PCDHGA12: variants seen among roughly 807,000 people sequenced by gnomAD.
PCDHGA12 encodes the protein protocadherin gamma subfamily A, 12.
In PCDHGA12, 43 loss-of-function variants were observed where a neutral mutation model predicts 61.1. The observed-to-expected ratio is 0.70, with a 90% CI of 0.55 to 0.91. The LOEUF is 0.91. Ranked by LOEUF, PCDHGA12 falls within the 40% of genes least tolerant of loss-of-function variation. PCDHGA12 has a pLI of 0.00. For synonymous variants in PCDHGA12, 520 were observed against 542.9 expected, an observed-to-expected ratio of 0.96 and a Z score of 0.59; for missense variants, 1,236 against 1,227.7, an observed-to-expected ratio of 1.01 and a Z score of -0.10.
chr5:141,476,224 G>T lies in PCDHGA12; in HGVS notation c.2425-18583G>T. 6.2e-7 allele frequency: 1 copy of T among 1,614,062 alleles called. No individual in the cohort carries two copies. The highest frequency in any genetic ancestry group is 1.1e-5 in the South Asian group (1 of 91,072). ...AGGCTTCCACGGTCATTCACTATGA[G>T]ATCCCGGAGGAAAGAGAGAAGGGTT... On this transcript the variant is annotated intron_variant, in intron 1 of 3. Transcript: ENST00000252085. This position sits in a 1 kb window ranked among gnomAD's most constrained non-coding sequence, Gnocchi z 7.6.
intron 1 of PCDHGA12, among the ~76,000 whole-genome samples, chr5:141,448,434 G>A (rs2098588755): frequency 1.3e-5 from 2 of 152,052 alleles, no homozygotes; most frequent in Non-Finnish European, 2.9e-5. Context: ...TATATATTGA[G>A]AAGTCTGACT....
Position 141,461,919 on chromosome 5 carries a change from G to T in PCDHGA12, c.2424+28736G>T, listed in dbSNP as rs10060711. On this transcript the variant is annotated intron_variant, in intron 1 of 3. Transcript: ENST00000252085. Reference sequence around the variant, plus strand: ...GCTCACTGCAACCTCTGCCTCCTGGGTTCCAGCAATTCTCCTGCCTCAACC... The same window carrying T: ...GCTCACTGCAACCTCTGCCTCCTGGTTTCCAGCAATTCTCCTGCCTCAACC... 5.4e-3 allele frequency among the ~76,000 whole-genome samples: 815 copies of T among 152,214 alleles called. 11 individuals are homozygous for T. Among genetic ancestry groups the T allele is most frequent in the African/African-American group, 0.019 (780 of 41,542 alleles).
At chr5:141,495,437 C>T (rs2099761356) in intron 2 of PCDHGA12, among the ~76,000 whole-genome samples, 1 of 152,178 alleles carries the variant, frequency 6.6e-6, no homozygotes, top group East Asian at 1.9e-4. Flanking sequence ...GTCCTCTGCC[C>T]CTACTTGTCC....
intron 1 of PCDHGA12, among the ~76,000 whole-genome samples, chr5:141,437,514 C>G (rs2097891371): frequency 6.6e-6 from 1 of 152,114 alleles, no homozygotes; most frequent in South Asian, 2.1e-4. Flanking sequence ...AATTATAAGG[C>G]TGATGACAAA....
In PCDHGA12 at chr5:141,476,622, T is replaced by C. The variant is rs1480639256; in HGVS notation, c.2425-18185T>C. The C allele has an allele frequency of 6.2e-7, 1 of 1,614,238 alleles. No individual in the cohort carries two copies. The highest frequency in any genetic ancestry group is 2.2e-5 in the East Asian group (1 of 44,878). On this transcript the variant is annotated intron_variant, in intron 1 of 3. Transcript: ENST00000252085. This position sits in a 1 kb window ranked among gnomAD's most constrained non-coding sequence, Gnocchi z 7.6. ...GATCCCGATGTGGGAAGCAACTCTT[T>C]ACAAACCTATGAGCTGAGCCGAAAT...
rs772000812 is a variant in PCDHGA12, at chr5:141,478,304, C to T, written c.2425-16503C>T. The T allele has an allele frequency of 8.1e-6, 13 of 1,614,108 alleles. No individual in the cohort carries two copies. In the Middle Eastern group the frequency reaches 1.2e-3, roughly 143 times the overall value. On this transcript the variant is annotated intron_variant, in intron 1 of 3. Coordinates refer to ENST00000252085, the MANE Select transcript of PCDHGA12 (RefSeq NM_003735.3). The stretch of plus-strand genomic sequence containing the variant: ...GCAGTCTAGAGACCTATACCGAGCC[C>T]CGGTGAGCTCACTGTACCGAACACC...
intron 1 of PCDHGA12, among the ~76,000 whole-genome samples, chr5:141,474,644 C>G (rs1016496399): frequency 4.6e-5 from 7 of 152,180 alleles, no homozygotes; most frequent in Non-Finnish European, 1.0e-4. Flanking sequence ...CCTATATATC[C>G]TTACTTCTTT....
At chr5:141,502,547 C>G (rs1340258642) in intron 2 of PCDHGA12, among the ~76,000 whole-genome samples, 2 of 152,156 alleles carry the variant, frequency 1.3e-5, no homozygotes, top group East Asian at 3.8e-4. Context: ...GTGGTAAAAA[C>G]AGTGTCCCAG....
rs777537045 is a variant in PCDHGA12 at position 141,490,191 on chromosome 5, A to T, written c.2425-4616A>T. The T allele has an allele frequency of 6.2e-7, 1 of 1,614,176 alleles. No homozygotes were observed. The highest frequency in any genetic ancestry group is 1.1e-5 in the South Asian group (1 of 91,082). On this transcript the variant is annotated intron_variant, in intron 1 of 3. Coordinates refer to ENST00000252085, the MANE Select transcript of PCDHGA12 (RefSeq NM_003735.3). The surrounding 1 kb of genome is among the most constrained non-coding windows in gnomAD (Gnocchi z 5.4). ...ACTTTGAGGAGTCACGTTTCTATGA[A>T]ATTCATGCAAGAGCCCGTGACCAGG...
In PCDHGA12 at chr5:141,489,928, G is replaced by A. The variant is rs752861962; in HGVS notation, c.2425-4879G>A. ...CCGCTCAGGGACCACCCTTATCTCT[G>A]TCATCGTGCTGGACATCAATGATAA... On this transcript the variant is annotated intron_variant, in intron 1 of 3. Transcript: ENST00000252085. The surrounding 1 kb of genome is among the most constrained non-coding windows in gnomAD (Gnocchi z 4.5). 2 of 1,614,206 alleles carry A rather than the reference G, an allele frequency of 1.2e-6. No homozygotes were observed. Among genetic ancestry groups the A allele is most frequent in the Non-Finnish European group, 1.7e-6 (2 of 1,180,038 alleles).
In PCDHGA12 at chr5:141,476,501, A is replaced by G; in HGVS notation, c.2425-18306A>G. 1.2e-6 allele frequency: 2 copies of G among 1,614,026 alleles called. No homozygotes were observed. Among genetic ancestry groups the G allele is most frequent in the Non-Finnish European group, 1.7e-6 (2 of 1,180,006 alleles). On this transcript the variant is annotated intron_variant, in intron 1 of 3. Coordinates refer to ENST00000252085, the MANE Select transcript of PCDHGA12 (RefSeq NM_003735.3). The surrounding 1 kb of genome is among the most constrained non-coding windows in gnomAD (Gnocchi z 7.6). ...CGTGGAAGTGGTGATCCAGGACATCAACGACAACAATCCTGCTTTCCCTAC... is the reference window on the plus strand; with the variant it reads ...CGTGGAAGTGGTGATCCAGGACATCGACGACAACAATCCTGCTTTCCCTAC...
Position 141,490,447 on chromosome 5 carries a change from C to A in PCDHGA12, c.2425-4360C>A, listed in dbSNP as rs1273424450. 1.2e-6 allele frequency: 2 copies of A among 1,614,196 alleles called. No homozygotes were observed. The highest frequency in any genetic ancestry group is 1.7e-5 in the Admixed American group (1 of 60,030). Reference sequence around the variant, plus strand: ...ATTTCAGATTAAGCCTTCTGAGAACCACTACTCGCTGCTAACCAGCCAGCC... The same window carrying A: ...ATTTCAGATTAAGCCTTCTGAGAACAACTACTCGCTGCTAACCAGCCAGCC... On this transcript the variant is annotated intron_variant, in intron 1 of 3. Coordinates refer to ENST00000252085, the MANE Select transcript of PCDHGA12 (RefSeq NM_003735.3). This position sits in a 1 kb window ranked among gnomAD's most constrained non-coding sequence, Gnocchi z 5.4.
chr5:141,459,302 A>G (rs1401348885), intron 1 of PCDHGA12, among the ~76,000 whole-genome samples: 1 of 152,328 alleles, frequency 6.6e-6, no homozygotes, highest in Admixed American at 6.5e-5. Context: ...CCTATAACAT[A>G]TACTATTTTG....
Position 141,432,076 on chromosome 5 carries a change from G to T in PCDHGA12, c.1317G>T (p.Ser439=). ...CCCTATCCACGGAAACTCATATCTC[G>T]CTGAACGTGGCAGACACCAACGACA... The part of the protein sequence containing the change: ...TPPLSTETHI[S]LNVADTNDNP... Residue 439 remains serine, a synonymous_variant, in exon 1 of 4, where the codon TCG becomes TCT. Transcript: ENST00000252085. This position sits in a 1 kb window ranked among gnomAD's most constrained non-coding sequence, Gnocchi z 6.0. 1.2e-6 allele frequency: 2 copies of T among 1,614,160 alleles called. No homozygotes were observed. Among genetic ancestry groups the T allele is most frequent in the Non-Finnish European group, 1.7e-6 (2 of 1,180,024 alleles).
At chr5:141,492,461 G>A (rs1218833302) in intron 1 of PCDHGA12, among the ~76,000 whole-genome samples, 1 of 152,212 alleles carries the variant, frequency 6.6e-6, no homozygotes, top group East Asian at 1.9e-4. Flanking sequence ...CGCGCCTGAG[G>A]GTCCCAGATC....
At chr5:141,455,330 G>T (rs2098819667) in intron 1 of PCDHGA12, among the ~76,000 whole-genome samples, 1 of 152,042 alleles carries the variant, frequency 6.6e-6, no homozygotes, top group South Asian at 2.1e-4. Context: ...GTGTGTTTGT[G>T]GTTTTAAGGA....
intron 1 of PCDHGA12, among the ~76,000 whole-genome samples, chr5:141,453,574 G>T (rs1285296493): frequency 6.6e-6 from 1 of 152,084 alleles, no homozygotes; most frequent in Non-Finnish European, 1.5e-5. Context: ...TCATTAGTTT[G>T]TGGTTTATCC....
At chr5:141,497,595 A>C (rs973413640) in intron 2 of PCDHGA12, among the ~76,000 whole-genome samples, 1 of 147,414 alleles carries the variant, frequency 6.8e-6, no homozygotes, top group East Asian at 2.0e-4. Context: ...GCTGGAGTGC[A>C]GTGGTGCGAT....
chr5:141,481,676 G>T (rs975849679), intron 1 of PCDHGA12, among the ~76,000 whole-genome samples: 1 of 152,028 alleles, frequency 6.6e-6, no homozygotes, highest in Non-Finnish European at 1.5e-5. Flanking sequence ...AAATCAGGCC[G>T]GGCCTGGTGG....
Sources: allele counts gnomAD v4.1 joint callset (sites outside exome capture counted in the v4.1 genomes callset), GRCh38; gene constraint gnomAD v4.1.1; non-coding constraint Gnocchi (gnomAD v3.1); transcripts MANE v1.5; gene names NCBI Gene and HGNC (gene_info 2026-07-23, HGNC 2026-07-21).